The following ANK2 variants were observed in gnomAD, a reference collection of about 807,000 sequenced individuals.
The protein encoded by ANK2 is ankyrin-2.
ANK2 carries 83 observed loss-of-function variants against 360.5 expected under a neutral mutation model. The ratio of observed to expected loss-of-function variants is 0.23; its 90% CI spans 0.19 to 0.28. The LOEUF (loss-of-function observed/expected upper bound fraction) is 0.28, where lower values mean the gene tolerates loss of function less well. ANK2 is among the 10% of genes least tolerant of loss of function. ANK2 has a pLI of 1.00. For missense variants in ANK2, 4,201 were observed against 4,795.7 expected (o/e 0.88, Z 3.66); for synonymous variants, 1,740 against 1,759.5 (o/e 0.99, Z 0.28).
chr4:113,149,169 A>C (rs1206280136), intron 1 of ANK2: 1 of 152,232 alleles, frequency 6.6e-6, no homozygotes, highest in African/African-American at 2.4e-5. Context: ...TGAAGTGAAC[A>C]AGGATGGAGG....
intron 9 of ANK2, among the ~76,000 whole-genome samples, chr4:113,243,385 A>C (rs1260329296): frequency 6.6e-6 from 1 of 152,210 alleles, no homozygotes; most frequent in Non-Finnish European, 1.5e-5. Flanking sequence ...TGTTTAATAA[A>C]CTTTATCATC....
At chr4:112,960,325 G>A (rs972511516) in intron 2 of ANK2, among the ~76,000 whole-genome samples, 4 of 151,734 alleles carry the variant, frequency 2.6e-5, no homozygotes, top group African/African-American at 9.7e-5. Flanking sequence ...TAAACCAGAG[G>A]TAGAGCAGCA....
chr4:113,173,990 A>C (rs2098095758), intron 1 of ANK2: 1 of 196,266 alleles, frequency 5.1e-6, no homozygotes, highest in Non-Finnish European at 1.1e-5. Context: ...AAAGAGAAAG[A>C]AAAAAACCCA....
At chr4:112,994,338 A>G (rs1414352387) in intron 2 of ANK2, among the ~76,000 whole-genome samples, 2 of 152,228 alleles carry the variant, frequency 1.3e-5, no homozygotes, top group Non-Finnish European at 2.9e-5. Flanking sequence ...TTTGGCACAT[A>G]TTGCAATAAA....
At chr4:112,868,295 A>G (rs2071470664) in intron 1 of ANK2, among the ~76,000 whole-genome samples, 1 of 152,240 alleles carries the variant, frequency 6.6e-6, no homozygotes, top group Non-Finnish European at 1.5e-5. Flanking sequence ...TATTTGGCAC[A>G]TAGTTCCAGA....
intron 1 of ANK2, among the ~76,000 whole-genome samples, chr4:112,841,769 G>C (rs1009777223): frequency 6.6e-6 from 1 of 152,152 alleles, no homozygotes; most frequent in African/African-American, 2.4e-5. Flanking sequence ...CCCTCGCCTA[G>C]CTGTGTCCGC....
intron 30 of ANK2, 163 bp downstream of exon 30, chr4:113,336,220 C>G: frequency 1.3e-6 from 1 of 745,272 alleles, no homozygotes; most frequent in Middle Eastern, 3.9e-4. Flanking sequence ...GGTTACTAAT[C>G]TATTTAAAAA....
intron 2 of ANK2, among the ~76,000 whole-genome samples, chr4:113,040,848 G>A (rs1015619195): frequency 6.6e-6 from 1 of 151,814 alleles, no homozygotes; most frequent in African/African-American, 2.4e-5. Flanking sequence ...AATGTTTTTG[G>A]GTCTTGTTCC....
At chr4:112,879,165 T>C (rs2076038806) in intron 1 of ANK2, among the ~76,000 whole-genome samples, 1 of 152,158 alleles carries the variant, frequency 6.6e-6, no homozygotes, top group African/African-American at 2.4e-5. Flanking sequence ...AGTAAAAGGA[T>C]TCCCAGCTCT....
At chr4:112,867,089 G>C (rs2070878576) in intron 1 of ANK2, among the ~76,000 whole-genome samples, 1 of 151,578 alleles carries the variant, frequency 6.6e-6, no homozygotes, top group South Asian at 2.1e-4. Context: ...AATTCTTTCT[G>C]CTTTCATAAT....
intron 1 of ANK2, among the ~76,000 whole-genome samples, chr4:112,874,080 C>CTT (rs544871774): frequency 0.024 from 2,964 of 122,080 alleles, 139 homozygotes; most frequent in African/African-American, 0.08. Context: ...TTGGGGTTCT[C>CTT]TTTTTTTTTT....
chr4:113,274,833 A>G (rs1353750772), intron 15 of ANK2, among the ~76,000 whole-genome samples, 184 bp downstream of exon 15: 1 of 152,222 alleles, frequency 6.6e-6, no homozygotes, highest in Non-Finnish European at 1.5e-5. Context: ...TATATCTTCA[A>G]TAAAGAGTGC....
intron 1 of ANK2, among the ~76,000 whole-genome samples, chr4:112,865,990 G>A (rs2070367165): frequency 6.6e-6 from 1 of 152,098 alleles, no homozygotes; most frequent in East Asian, 1.9e-4. Context: ...CACACACACA[G>A]CCTTACTTCA....
intron 8 of ANK2, among the ~76,000 whole-genome samples, chr4:113,241,414 C>G (rs1161843689): frequency 6.6e-6 from 1 of 152,072 alleles, no homozygotes; most frequent in Non-Finnish European, 1.5e-5. Flanking sequence ...CATGGCTCAC[C>G]GAAGCCCTGA....
the ANK2 span, among the ~76,000 whole-genome samples, chr4:112,765,612 A>G: frequency 3.0e-3 from 457 of 150,350 alleles, 3 homozygotes; most frequent in African/African-American, 0.01. Context: ...CTTTTACCTT[A>G]TAATACTACA....
chr4:112,940,596 G>T (rs1470913379), intron 2 of ANK2, among the ~76,000 whole-genome samples: 1 of 152,114 alleles, frequency 6.6e-6, no homozygotes, highest in Non-Finnish European at 1.5e-5. Context: ...GCATTGTGTA[G>T]AAAATTAGAG....
At position 113,255,770 on chromosome 4, in the gene ANK2, A is replaced by C; in HGVS notation, c.1026A>C (p.Gly342=). Residue 342 remains glycine, a synonymous_variant, in exon 11 of 46, where the codon GGA becomes GGC. Transcript: ENST00000357077. The part of the protein sequence containing the change: ...GLSPLHMAAQ[G]DHVECVKHLL... Reference sequence around the variant, plus strand: ...CTCCACTACACATGGCTGCCCAGGGAGACCACGTGGAATGTGTGAAGCACC... The same window carrying C: ...CTCCACTACACATGGCTGCCCAGGGCGACCACGTGGAATGTGTGAAGCACC... 6.2e-7 allele frequency: 1 copy of C among 1,614,162 alleles called. No homozygotes were observed. Among genetic ancestry groups the C allele is most frequent in the African/African-American group, 1.3e-5 (1 of 75,036 alleles).
chr4:113,292,543 C>A, intron 21 of ANK2, 29 bp downstream of exon 21: 1 of 1,559,382 alleles, frequency 6.4e-7, no homozygotes, highest in Non-Finnish European at 8.7e-7. Flanking sequence ...CCCCTCACCA[C>A]GCTTTCTTCT....
At chr4:112,984,417 C>G (rs1381387721) in intron 2 of ANK2, among the ~76,000 whole-genome samples, 2 of 152,160 alleles carry the variant, frequency 1.3e-5, no homozygotes, top group African/African-American at 4.8e-5. Flanking sequence ...AGAGAGAGAG[C>G]TTGTGCAGGA....
Sources: allele counts gnomAD v4.1 joint callset (sites outside exome capture counted in the v4.1 genomes callset), GRCh38; gene constraint gnomAD v4.1.1; transcripts MANE v1.5; gene names NCBI Gene and HGNC (gene_info 2026-07-23, HGNC 2026-07-21).